Variants in STK4 observed in about 807,000 individuals in gnomAD.
STK4 encodes the protein serine/threonine-protein kinase 4.
In STK4, 30 loss-of-function variants were observed where a neutral mutation model predicts 64.9. The ratio of observed to expected loss-of-function variants is 0.46; its 90% CI spans 0.35 to 0.63. The LOEUF (loss-of-function observed/expected upper bound fraction) is 0.63. STK4 is among the 20% of genes least tolerant of loss of function. The probability of loss-of-function intolerance (pLI) is 0.01; values close to 1 mark genes in which losing one functional copy is unlikely to be tolerated. For missense variants in STK4, 466 were observed against 598.5 expected (o/e 0.78, Z 2.31); for synonymous variants, 177 against 199.0 (o/e 0.89, Z 0.93).
At chr20:45,020,816 C>CTT (rs35088723) in intron 9 of STK4, among the ~76,000 whole-genome samples, 1 of 144,908 alleles carries the variant, frequency 6.9e-6, no homozygotes, top group Non-Finnish European at 1.5e-5. Flanking sequence ...ATATACAAGA[C>CTT]TTTTTTTTTT....
chr20:45,043,409 T>C (rs1469374800), intron 10 of STK4, among the ~76,000 whole-genome samples: 3 of 152,206 alleles, frequency 2.0e-5, no homozygotes, highest in African/African-American at 7.2e-5. Context: ...GTTAAGATCA[T>C]TGGAATCAGG....
chr20:45,066,181 T>TAC (rs11472596), intron 10 of STK4, among the ~76,000 whole-genome samples: 4,501 of 147,574 alleles, frequency 0.03, 94 homozygotes, highest in Admixed American at 0.061. Context: ...ATTATATATC[T>TAC]ACACACACAC....
intron 10 of STK4, chr20:45,053,219 C>CTG: frequency 6.8e-7 from 1 of 1,481,430 alleles, no homozygotes; most frequent in Non-Finnish European, 9.4e-7. Flanking sequence ...CCACAGTAGC[C>CTG]TGGTTCTGCT....
At chr20:45,065,850 G>A (rs1979521053) in intron 10 of STK4, among the ~76,000 whole-genome samples, 1 of 151,302 alleles carries the variant, frequency 6.6e-6, no homozygotes, top group Non-Finnish European at 1.5e-5. Context: ...TCTTTTGCAT[G>A]TTTTTTCACA....
intron 9 of STK4, among the ~76,000 whole-genome samples, chr20:45,005,678 G>C (rs1167257983): frequency 2.0e-5 from 3 of 149,144 alleles, no homozygotes; most frequent in Non-Finnish European, 4.4e-5. Context: ...CAAAACGTTA[G>C]CTACTATAAT....
chr20:44,970,757 C>T (rs1174130396), intron 1 of STK4, among the ~76,000 whole-genome samples: 3 of 152,088 alleles, frequency 2.0e-5, no homozygotes, highest in African/African-American at 7.2e-5. Context: ...CCTTGATATT[C>T]ATAAACTATA....
At chr20:45,058,153 T>C (rs1241067610) in intron 10 of STK4, among the ~76,000 whole-genome samples, 1 of 152,110 alleles carries the variant, frequency 6.6e-6, no homozygotes, top group African/African-American at 2.4e-5. Flanking sequence ...CCTAAGACTT[T>C]ATGGCCATTA....
intron 9 of STK4, among the ~76,000 whole-genome samples, chr20:45,019,637 C>T (rs1015525280): frequency 6.6e-6 from 1 of 152,184 alleles, no homozygotes; most frequent in East Asian, 1.9e-4. Context: ...GCATTTCCGG[C>T]ATCAGATAAA....
At chr20:45,013,343 A>G (rs1193089403) in intron 9 of STK4, among the ~76,000 whole-genome samples, 1 of 152,048 alleles carries the variant, frequency 6.6e-6, no homozygotes, top group Admixed American at 6.6e-5. Flanking sequence ...TTTTAATTTG[A>G]ATAGTTAGCT....
intron 10 of STK4, among the ~76,000 whole-genome samples, chr20:45,065,666 A>G (rs1463990780): frequency 6.6e-6 from 1 of 152,066 alleles, no homozygotes; most frequent in Non-Finnish European, 1.5e-5. Flanking sequence ...TGTTCATAAT[A>G]GGTTCTGGGA....
At position 45,069,380 on chromosome 20, in the gene STK4, A is replaced by G. The variant is rs113539003; in HGVS notation, c.1306-5638A>G. ...TGGCCCTTATTTTGTCTTGTCCAGC[A>G]GGATGGTGTCTCTTATTCTTTTGAT... On this transcript the variant is annotated intron_variant, in intron 10 of 10. Coordinates refer to ENST00000372806, the MANE Select transcript of STK4 (RefSeq NM_006282.5). Among the ~76,000 whole-genome samples, 1,307 of 152,320 alleles carry G rather than the reference A, an allele frequency of 8.6e-3. 18 individuals carry two copies. The highest frequency in any genetic ancestry group is 0.03 in the African/African-American group (1,254 of 41,564).
chr20:45,062,170 G>A (rs1476127453), intron 10 of STK4, among the ~76,000 whole-genome samples: 1 of 152,066 alleles, frequency 6.6e-6, no homozygotes, highest in Non-Finnish European at 1.5e-5. Context: ...GTGAGCCACC[G>A]TGCCTGGCCT....
intron 1 of STK4, chr20:44,967,352 C>G (rs1205607788): frequency 1.9e-6 from 1 of 516,686 alleles, no homozygotes; most frequent in Non-Finnish European, 2.5e-6. Flanking sequence ...CTTCTTTACT[C>G]CGGGTCACTG....
intron 10 of STK4, among the ~76,000 whole-genome samples, chr20:45,040,313 A>T (rs1259652060): frequency 3.3e-5 from 5 of 152,102 alleles, no homozygotes; most frequent in African/African-American, 1.2e-4. Context: ...TATGCACTTG[A>T]TTTTTTGATT....
intron 10 of STK4, among the ~76,000 whole-genome samples, chr20:45,068,981 A>G (rs1979824238): frequency 6.6e-6 from 1 of 152,240 alleles, no homozygotes; most frequent in Non-Finnish European, 1.5e-5. Flanking sequence ...CAGAGATCAC[A>G]TCTTTTAAGA....
At chr20:45,000,316 C>G (rs6103954) in intron 7 of STK4, 76 bp from the exon 8 acceptor site, 1 of 1,519,292 alleles carries the variant, frequency 6.6e-7, no homozygotes, top group East Asian at 2.4e-5. Flanking sequence ...TATCCAGTAC[C>G]TACTGTGTTC....
At chr20:45,020,471 TTTATG>T (rs2068227723) in intron 9 of STK4, among the ~76,000 whole-genome samples, 1 of 47,642 alleles carries the variant, frequency 2.1e-5, no homozygotes, top group Admixed American at 2.0e-4. Flanking sequence ...TGTGTGTATG[TTTATG>T]TTTATGTTTA....
intron 2 of STK4, among the ~76,000 whole-genome samples, chr20:44,976,770 G>T (rs1436114129): frequency 6.6e-6 from 1 of 152,184 alleles, no homozygotes; most frequent in Non-Finnish European, 1.5e-5. Context: ...ACATCTGGGG[G>T]TGTGAGATTC....
intron 10 of STK4, 60 bp downstream of exon 10, chr20:45,025,190 C>T (rs2068323723): frequency 2.0e-6 from 3 of 1,535,912 alleles, no homozygotes; most frequent in Admixed American, 1.9e-5. Context: ...AAATATCACA[C>T]ATTAGTGCCC....
Sources: gnomAD v4.1 joint callset for allele counts (sites outside exome capture counted in the v4.1 genomes callset) on GRCh38, gnomAD v4.1.1 for gene constraint, MANE v1.5 for transcripts, NCBI Gene and HGNC (gene_info 2026-07-23, HGNC 2026-07-21) for gene names.